The following STS variants were observed in gnomAD, a reference collection of about 807,000 sequenced individuals.
STS encodes steroid sulfatase, also known as steryl-sulfatase.
A neutral mutation model predicts 26.8 loss-of-function variants in STS; 7 were observed. That is an observed-to-expected ratio of 0.26 (90% CI 0.15 to 0.49). The LOEUF (loss-of-function observed/expected upper bound fraction) is 0.49, where lower values mean the gene tolerates loss of function less well. STS is among the 20% of genes least tolerant of loss of function. The pLI, the probability that STS is intolerant of heterozygous loss-of-function variation, is 0.98. For synonymous variants in STS, 199 were observed against 189.4 expected (o/e 1.05, Z -0.42); for missense variants, 434 against 465.6 (o/e 0.93, Z 0.63).
intron 2 of STS, among the ~76,000 whole-genome samples, chrX:7,227,157 G>A (rs755620151): frequency 1.8e-5 from 2 of 110,458 alleles, no homozygotes; most frequent in South Asian, 7.6e-4. Context: ...TTTTATTATT[G>A]ATTTGTTCTT....
At chrX:7,287,995 A>G (rs781044749) in intron 7 of STS, among the ~76,000 whole-genome samples, 5 of 109,198 alleles carry the variant, frequency 4.6e-5, no homozygotes, top group Admixed American at 9.8e-5. Flanking sequence ...TTTTTTTTCT[A>G]TTGTGTGTAG....
chrX:7,209,786 C>T (rs1319268176), intron 2 of STS, among the ~76,000 whole-genome samples: 2 of 109,502 alleles, frequency 1.8e-5, no homozygotes, highest in Non-Finnish European at 3.8e-5. Flanking sequence ...CACCCCCACC[C>T]CCAAATAGGC....
intron 6 of STS, among the ~76,000 whole-genome samples, chrX:7,273,665 A>T (rs1343976661): frequency 7.2e-5 from 8 of 111,509 alleles, no homozygotes; most frequent in Admixed American, 2.9e-4. Context: ...ATGGCTGTAC[A>T]TACTTTGTTG....
chrX:7,264,113 G>A (rs1007121359), intron 6 of STS, among the ~76,000 whole-genome samples: 3 of 111,471 alleles, frequency 2.7e-5, no homozygotes, highest in Non-Finnish European at 5.6e-5. Context: ...AGTCGTTCTT[G>A]GGCAATATGC....
At chrX:7,324,039 C>G (rs1380613954) in intron 8 of STS, among the ~76,000 whole-genome samples, 2 of 111,612 alleles carry the variant, frequency 1.8e-5, no homozygotes, top group Non-Finnish European at 3.8e-5. Context: ...CCGGGAGATC[C>G]TAAGAATATG....
intron 2 of STS, among the ~76,000 whole-genome samples, chrX:7,234,586 G>T (rs1466092927): frequency 8.9e-6 from 1 of 111,934 alleles, no homozygotes; most frequent in Admixed American, 9.4e-5. Flanking sequence ...GGCAGCTCTG[G>T]CCTCTTAGCT....
chrX:7,333,109 A>G (rs932225116), intron 9 of STS, among the ~76,000 whole-genome samples: 1 of 112,347 alleles, frequency 8.9e-6, no homozygotes, highest in East Asian at 2.8e-4. Context: ...ACGCCTTGTA[A>G]CAAGAGATGG....
At chrX:7,174,916 C>A (rs1379191369) in intron 1 of STS, among the ~76,000 whole-genome samples, 1 of 111,127 alleles carries the variant, frequency 9.0e-6, no homozygotes, top group Non-Finnish European at 1.9e-5. Flanking sequence ...AACGTTTGAT[C>A]TCATCAGGCC....
rs189713073 is a variant in STS, at chrX:7,230,317, A to C, written c.-4-22879A>C. Among the ~76,000 whole-genome samples, 288 of 112,030 alleles carry C rather than the reference A, an allele frequency of 2.6e-3. 2 individuals are homozygous for C. The highest frequency in any genetic ancestry group is 3.6e-3 in the Non-Finnish European group (189 of 53,230). The stretch of plus-strand genomic sequence containing the variant: ...GGTAGTTCCTTCATAATTTAAACCT[A>C]GAATTTCCATATGACCCAGCCATTC... On this transcript the variant is annotated intron_variant, in intron 2 of 10. Coordinates refer to ENST00000674429, the MANE Select transcript of STS (RefSeq NM_001320752.2).
chrX:7,329,026 C>T (rs1455775851), intron 9 of STS, among the ~76,000 whole-genome samples: 1 of 111,693 alleles, frequency 9.0e-6, no homozygotes, highest in Non-Finnish European at 1.9e-5. Flanking sequence ...ACAGATGTTG[C>T]TTCTGTGTTG....
intron 6 of STS, among the ~76,000 whole-genome samples, chrX:7,273,004 G>T (rs1924359549): frequency 9.0e-6 from 1 of 110,993 alleles, no homozygotes; most frequent in Admixed American, 9.6e-5. Context: ...ACAGAAATTA[G>T]CTGGGCATGG....
chrX:7,306,226 A>G (rs968742436), intron 8 of STS, among the ~76,000 whole-genome samples: 4 of 111,602 alleles, frequency 3.6e-5, no homozygotes. Flanking sequence ...TACATTAGAC[A>G]TATCTAATGT....
At chrX:7,181,839 A>T (rs1933687204) in intron 1 of STS, among the ~76,000 whole-genome samples, 1 of 112,335 alleles carries the variant, frequency 8.9e-6, no homozygotes, top group African/African-American at 3.2e-5. Context: ...TAATCCCAGC[A>T]CTTTGGGAGG....
At chrX:7,311,316 C>G (rs185673460) in intron 8 of STS, among the ~76,000 whole-genome samples, 10 of 111,011 alleles carry the variant, frequency 9.0e-5, no homozygotes, top group African/African-American at 3.3e-4. Flanking sequence ...TTTCTGAGGA[C>G]TGACATAACT....
At chrX:7,202,354 A>G (rs1418169779) in intron 2 of STS, among the ~76,000 whole-genome samples, 1 of 111,279 alleles carries the variant, frequency 9.0e-6, no homozygotes, top group Non-Finnish European at 1.9e-5. Context: ...AAACCACAAA[A>G]ATGCATATAA....
At chrX:7,205,268 G>C (rs1220130378) in intron 2 of STS, among the ~76,000 whole-genome samples, 7 of 112,462 alleles carry the variant, frequency 6.2e-5, no homozygotes, top group Non-Finnish European at 1.9e-5. Context: ...TAGTGAGGAA[G>C]AGAAAGAATG....
At chrX:7,344,731 TG>T (rs1172831943) in intron 10 of STS, among the ~76,000 whole-genome samples, 1 of 111,580 alleles carries the variant, frequency 9.0e-6, no homozygotes, top group East Asian at 2.8e-4. Context: ...AGTTCCAGGT[TG>T]GGGGCACCTT....
chrX:7,313,977 G>T (rs1926595917), intron 8 of STS, among the ~76,000 whole-genome samples: 1 of 111,628 alleles, frequency 9.0e-6, no homozygotes, highest in African/African-American at 3.3e-5. Flanking sequence ...TTGCATTGTT[G>T]GCTAGGAGAG....
intron 2 of STS, among the ~76,000 whole-genome samples, chrX:7,242,680 A>G (rs1428735358): frequency 8.9e-6 from 1 of 112,466 alleles, no homozygotes; most frequent in Admixed American, 9.4e-5. Context: ...GTAAGGTATT[A>G]TTATTCCTTT....
Sources: gnomAD v4.1 joint callset for allele counts (sites outside exome capture counted in the v4.1 genomes callset) on GRCh38, gnomAD v4.1.1 for gene constraint, MANE v1.5 for transcripts, NCBI Gene and HGNC (gene_info 2026-07-23, HGNC 2026-07-21) for gene names.